Variants in SAFB observed in about 807,000 individuals in gnomAD.
SAFB encodes the protein scaffold attachment factor B.
SAFB carries 15 observed loss-of-function variants against 101.6 expected under a neutral mutation model. That is an observed-to-expected ratio of 0.15 (90% CI 0.10 to 0.23). SAFB has a LOEUF of 0.23. Ranked by LOEUF, SAFB falls within the 10% of genes least tolerant of loss-of-function variation. The pLI, the probability that SAFB is intolerant of heterozygous loss-of-function variation, is 1.00. For missense variants in SAFB, 930 were observed against 1,104.1 expected, an observed-to-expected ratio of 0.84 and a Z score of 2.23; for synonymous variants, 449 against 407.5, an observed-to-expected ratio of 1.10 and a Z score of -1.23.
At chr19:5,633,394 C>T (rs2053529608) in intron 2 of SAFB, among the ~76,000 whole-genome samples, 1 of 152,176 alleles carries the variant, frequency 6.6e-6, no homozygotes, top group African/African-American at 2.4e-5. Context: ...TGGCAGGGTA[C>T]GTGAGTCTCA....
intron 5 of SAFB, among the ~76,000 whole-genome samples, chr19:5,646,254 C>G (rs1190040577): frequency 6.6e-6 from 1 of 152,162 alleles, no homozygotes; most frequent in East Asian, 1.9e-4. Flanking sequence ...GAAAAGATCT[C>G]CATTTGCTTC....
chr19:5,643,831 C>T (rs1474037298), intron 4 of SAFB, among the ~76,000 whole-genome samples: 1 of 150,758 alleles, frequency 6.6e-6, no homozygotes, highest in Non-Finnish European at 1.5e-5. Flanking sequence ...CCACTGCACT[C>T]CAGCCTGGGC....
At chr19:5,652,571 CTG>C (rs1417814117) in intron 9 of SAFB, among the ~76,000 whole-genome samples, 1 of 152,198 alleles carries the variant, frequency 6.6e-6, no homozygotes, top group Non-Finnish European at 1.5e-5. Context: ...GCGACCCTAA[CTG>C]CATCCTGCTG....
chr19:5,653,960 C>G (rs1347457812), intron 11 of SAFB, 101 bp from the exon 12 acceptor site: 1 of 1,079,814 alleles, frequency 9.3e-7, no homozygotes, highest in East Asian at 2.5e-5. Flanking sequence ...AGGCTGGTCT[C>G]GAACTCCCGG....
At chr19:5,659,073 T>G (rs1200550518) in intron 14 of SAFB, among the ~76,000 whole-genome samples, 1 of 148,346 alleles carries the variant, frequency 6.7e-6, no homozygotes, top group African/African-American at 2.5e-5. Flanking sequence ...ACCCAGGAGG[T>G]GGAGGTTGCA....
chr19:5,652,419 T>C (rs1241950821), intron 9 of SAFB, among the ~76,000 whole-genome samples: 2 of 151,988 alleles, frequency 1.3e-5, no homozygotes, highest in African/African-American at 4.8e-5. Flanking sequence ...AGGCCTGATG[T>C]GGGTTAATTA....
chr19:5,646,339 G>A (rs1038028883), intron 5 of SAFB, among the ~76,000 whole-genome samples: 5 of 152,162 alleles, frequency 3.3e-5, no homozygotes, highest in Admixed American at 2.0e-4. Flanking sequence ...TCAAGAAAAC[G>A]TGGTGAAACC....
intron 1 of SAFB, 41 bp downstream of exon 1, chr19:5,623,435 G>T: frequency 6.4e-7 from 1 of 1,555,512 alleles, no homozygotes; most frequent in South Asian, 1.1e-5. Context: ...GGTGGGTCTG[G>T]GGTCCTCTTG....
chr19:5,641,574 G>A lies in SAFB; in HGVS notation c.275-20G>A. On this transcript the variant is annotated intron_variant, in intron 2 of 20. Transcript: ENST00000588852. ...AGTGCGTATCATTTGATCTCATGCTGTAAATGATTCTGTCTTCAGGGCGCA... is the reference window on the plus strand; with the variant it reads ...AGTGCGTATCATTTGATCTCATGCTATAAATGATTCTGTCTTCAGGGCGCA... 1 of 1,608,052 alleles carries A rather than the reference G, an allele frequency of 6.2e-7. No homozygotes were observed. The highest frequency in any genetic ancestry group is 1.7e-4 in the Middle Eastern group (1 of 6,054).
intron 1 of SAFB, among the ~76,000 whole-genome samples, chr19:5,625,816 G>C (rs1482357888): frequency 1.3e-5 from 2 of 152,192 alleles, no homozygotes; most frequent in Non-Finnish European, 2.9e-5. Flanking sequence ...AGTCGGTTGT[G>C]AATGTACATG....
At chr19:5,636,440 C>T (rs2053597773) in intron 2 of SAFB, among the ~76,000 whole-genome samples, 1 of 151,798 alleles carries the variant, frequency 6.6e-6, no homozygotes, top group Non-Finnish European at 1.5e-5. Flanking sequence ...CATGTTTTGC[C>T]AAAGAAATAA....
chr19:5,649,643 T>G (rs973411131), intron 7 of SAFB, 144 bp downstream of exon 7: 4 of 599,478 alleles, frequency 6.7e-6, no homozygotes, highest in Non-Finnish European at 1.2e-5. Flanking sequence ...TCGTTTCTCT[T>G]TGTGTGTTTT....
rs747908390 is a variant in SAFB at position 5,661,695 on chromosome 19, C to G, written c.2040C>G (p.Arg680=). The change falls in exon 15 of 21, where the codon CGC becomes CGG. Residue 680 remains arginine (R), a synonymous_variant. Coordinates refer to ENST00000588852, the MANE Select transcript of SAFB (RefSeq NM_001201338.2). ...ERERMHVEHE[R]RREQERIHRE... is the part of the protein sequence containing the mutation. Reference sequence around the variant, plus strand: ...AACGCATGCACGTGGAGCACGAGCGCAGGCGCGAGCAGGAGCGCATCCACC... The same window carrying G: ...AACGCATGCACGTGGAGCACGAGCGGAGGCGCGAGCAGGAGCGCATCCACC... 2.5e-6 allele frequency: 4 copies of G among 1,605,746 alleles called. No homozygotes were observed. The South Asian group carries it at 4.4e-5, about 18-fold the overall frequency.
chr19:5,654,953 T>G (rs1250216374), intron 13 of SAFB, among the ~76,000 whole-genome samples: 2 of 152,228 alleles, frequency 1.3e-5, no homozygotes, highest in African/African-American at 4.8e-5. Context: ...AAAGCTAACT[T>G]TAAAATTTAC....
At position 5,667,180 on chromosome 19, in the gene SAFB, C is replaced by A. The variant is rs565134032; in HGVS notation, c.2453+16C>A. Reference sequence around the variant, plus strand: ...CTCCCCCCAGGTTTGTGTCCCACACCCGACAGTACCTGACCCCCCCCCCGC... The same window carrying A: ...CTCCCCCCAGGTTTGTGTCCCACACACGACAGTACCTGACCCCCCCCCCGC... On this transcript the variant is annotated intron_variant, in intron 18 of 20. Transcript: ENST00000588852. This position sits in a 1 kb window ranked among gnomAD's most constrained non-coding sequence, Gnocchi z 4.0. The A allele has an allele frequency of 4.1e-6, 6 of 1,461,386 alleles. No homozygotes were observed. The African/African-American group carries it at 7.0e-5, about 17-fold the overall frequency. The allele number at this position is 1,461,386 out of a possible 1,614,324, so 90.5% of individuals were successfully genotyped here.
In SAFB at chr19:5,641,686, G is replaced by A. The variant is rs139125544; in HGVS notation, c.339+28G>A. Reference sequence around the variant, plus strand: ...ATGTGCAGCCTTGCGAGTGAGTAGCGTGGTGGATGGACCAGTGGCGGTCAC... The same window carrying A: ...ATGTGCAGCCTTGCGAGTGAGTAGCATGGTGGATGGACCAGTGGCGGTCAC... On this transcript the variant is annotated intron_variant, in intron 3 of 20. Transcript: ENST00000588852. 3,149 of 1,613,462 alleles carry A rather than the reference G, an allele frequency of 2.0e-3. 4 individuals carry two copies. The highest frequency in any genetic ancestry group is 2.4e-3 in the Non-Finnish European group (2,798 of 1,179,442).
At position 5,667,278 on chromosome 19, in the gene SAFB, G is replaced by C. The variant is rs1437628548; in HGVS notation, c.2454-69G>C. On this transcript the variant is annotated intron_variant, in intron 18 of 20. Transcript: ENST00000588852. This position sits in a 1 kb window ranked among gnomAD's most constrained non-coding sequence, Gnocchi z 4.0. ...ACACAGAGGGATTCACTCTCCAGAA[G>C]CCGCCACAGTTATTAGCACAAGAGC... 2 of 1,323,518 alleles carry C rather than the reference G, an allele frequency of 1.5e-6. No individual in the cohort carries two copies. Among genetic ancestry groups the C allele is most frequent in the East Asian group, 5.1e-5 (2 of 39,530 alleles). 82.0% of individuals were successfully genotyped at this position (1,323,518 alleles called of 1,614,324 possible). A position where few individuals can be genotyped will look rare whatever the true frequency, so the allele number is the denominator to read the frequency against.
At chr19:5,657,022 C>T (rs912510710) in intron 13 of SAFB, among the ~76,000 whole-genome samples, 14 of 152,078 alleles carry the variant, frequency 9.2e-5, no homozygotes, top group African/African-American at 3.4e-4. Flanking sequence ...CTGTCCGTCT[C>T]AGCCTCCCAA....
intron 14 of SAFB, among the ~76,000 whole-genome samples, chr19:5,659,475 G>A (rs945841220): frequency 2.6e-5 from 4 of 151,608 alleles, no homozygotes; most frequent in African/African-American, 9.7e-5. Flanking sequence ...TCCGTCCCCT[G>A]GGTTCACACC....
Sources: gnomAD v4.1 joint callset for allele counts (sites outside exome capture counted in the v4.1 genomes callset) on GRCh38, gnomAD v4.1.1 for gene constraint, Gnocchi (gnomAD v3.1) non-coding constraint, MANE v1.5 for transcripts, NCBI Gene and HGNC (gene_info 2026-07-23, HGNC 2026-07-21) for gene names.